Variants in ZNF26 observed in about 807,000 individuals in gnomAD.
ZNF26 encodes epididymis luminal protein 179.
In ZNF26, 32 loss-of-function variants were observed where a neutral mutation model predicts 54.9. The observed-to-expected ratio is 0.58, with a 90% CI of 0.44 to 0.78. The LOEUF (loss-of-function observed/expected upper bound fraction) is 0.78. Among genes scored for constraint, ZNF26 ranks in the 30% least tolerant of loss-of-function variants. The pLI is 0.00. For synonymous variants in ZNF26, 221 were observed against 209.2 expected (o/e 1.06, Z -0.49); for missense variants, 524 against 634.0 (o/e 0.83, Z 1.86).
At position 133,019,101 on chromosome 12, in the gene ZNF26, G is replaced by C. The variant is rs1953605307; in HGVS notation, c.*7620G>C. ...GCTTTCTAATATCAGACACAATAGA[G>C]TTTAAAACAAAAGTTTTACTAGAGA... is the stretch of plus-strand genomic sequence containing the variant. On this transcript the variant is annotated 3_prime_UTR_variant, in exon 4 of 4. Coordinates refer to ENST00000328654, the MANE Select transcript of ZNF26 (RefSeq NM_019591.4). The C allele has an allele frequency of 6.6e-6, 1 of 152,110 alleles. No homozygotes were observed. The highest frequency in any genetic ancestry group is 2.4e-5 in the African/African-American group (1 of 41,418). The allele number at this position is 152,110 out of a possible 1,614,324, so 9.4% of individuals were successfully genotyped here. A position where few individuals can be genotyped will look rare whatever the true frequency, so the allele number is the denominator to read the frequency against.
intron 1 of ZNF26, among the ~76,000 whole-genome samples, chr12:132,989,333 G>C (rs1952897523): frequency 6.6e-6 from 1 of 152,132 alleles, no homozygotes; most frequent in Admixed American, 6.6e-5. Flanking sequence ...ACCGTGCCGG[G>C]TCTGGTGAAT....
intron 1 of ZNF26, chr12:133,004,884 A>G (rs1953291144): frequency 6.6e-6 from 1 of 152,202 alleles, no homozygotes; most frequent in Non-Finnish European, 1.5e-5. Flanking sequence ...AATCAGCATT[A>G]TTTTTTCTCA....
rs1203448365 is a variant in ZNF26 at position 133,010,992 on chromosome 12, A to G, written c.1113A>G (p.Gln371=). 1.6e-5 allele frequency: 26 copies of G among 1,613,988 alleles called. No individual in the cohort carries two copies. Among genetic ancestry groups the G allele is most frequent in the East Asian group, 4.5e-5 (2 of 44,846 alleles). The change falls in exon 4 of 4, where the codon CAA becomes CAG. Residue 371 remains glutamine (Q), a synonymous_variant. Coordinates refer to ENST00000328654, the MANE Select transcript of ZNF26 (RefSeq NM_019591.4). ...TTCACACAGGAAATAATCCTTATCA[A>G]TGCGGTGAATGTGGGAAAGCCTTTG... ...QGVHTGNNPY[Q]CGECGKAFGR...
Position 133,010,363 on chromosome 12 carries a change from C to T in ZNF26, c.484C>T (p.Leu162Phe). The T allele has an allele frequency of 1.9e-6, 3 of 1,613,814 alleles. No homozygotes were observed. Among genetic ancestry groups the T allele is most frequent in the Non-Finnish European group, 2.5e-6 (3 of 1,179,944 alleles). ...KFHGYEEPYF[L>F]KHQRAHSIEK... ...TCATGGTTATGAAGAACCATATTTT[C>T]TTAAGCATCAAAGAGCTCATAGCAT... The change falls in exon 4 of 4, where the codon CTT becomes TTT. Residue 162 changes from leucine to phenylalanine, a missense_variant. Transcript: ENST00000328654.
chr12:133,007,373 T>A (rs1953353876), intron 2 of ZNF26, 64 bp from the exon 3 acceptor site: 1 of 1,436,748 alleles, frequency 7.0e-7, no homozygotes, highest in African/African-American at 1.4e-5. Context: ...GCTCTGTAGC[T>A]CTTGATTCCT....
chr12:133,000,395 G>A (rs943133950), intron 1 of ZNF26, among the ~76,000 whole-genome samples: 3 of 150,248 alleles, frequency 2.0e-5, no homozygotes, highest in African/African-American at 7.3e-5. Flanking sequence ...GGGACTACAG[G>A]CATGCGCCGC....
At chr12:132,996,093 A>G (rs1953075365) in intron 1 of ZNF26, among the ~76,000 whole-genome samples, 2 of 152,128 alleles carry the variant, frequency 1.3e-5, no homozygotes, top group South Asian at 2.1e-4. Flanking sequence ...TCTGGATGGT[A>G]TATTTATTGC....
intron 1 of ZNF26, 143 bp downstream of exon 1, chr12:132,987,016 C>A: frequency 1.1e-5 from 10 of 910,846 alleles, no homozygotes; most frequent in Non-Finnish European, 1.5e-5. Flanking sequence ...CCCACCAAAC[C>A]AAAGCGCCTC....
chr12:132,995,841 G>A (rs1005101353), intron 1 of ZNF26, among the ~76,000 whole-genome samples: 3 of 152,174 alleles, frequency 2.0e-5, no homozygotes, highest in East Asian at 1.9e-4. Flanking sequence ...TAGTAGAGAC[G>A]GGATTTCACC....
In ZNF26 at chr12:133,010,256, G is replaced by C; in HGVS notation, c.377G>C (p.Arg126Thr). 6.2e-7 allele frequency: 1 copy of C among 1,614,022 alleles called. No individual in the cohort carries two copies. Among genetic ancestry groups the C allele is most frequent in the Non-Finnish European group, 8.5e-7 (1 of 1,179,994 alleles). Residue 126 changes from arginine (R) to threonine (T), a missense_variant, in exon 4 of 4, where the codon AGA (arginine) becomes ACA (threonine). Arg to Thr is a moderately conservative substitution (Grantham distance 71, BLOSUM62 -1). Coordinates refer to ENST00000328654, the MANE Select transcript of ZNF26 (RefSeq NM_019591.4). Reference sequence around the variant, plus strand: ...AAAACCCATGATTCTTCAAGACAGAGACTCTATAACACACGTGGAAAAAGT... The same window carrying C: ...AAAACCCATGATTCTTCAAGACAGACACTCTATAACACACGTGGAAAAAGT... ...LSKTHDSSRQ[R>T]LYNTRGKSLT... is the part of the protein sequence containing the mutation.
At position 133,001,780 on chromosome 12, in the gene ZNF26, T is replaced by G. The variant is rs1036211017; in HGVS notation, c.34-5262T>G. ...CTGTTTGAGGTGAGCTGCTGAACCC[T>G]CACTCCCCAGCTGCCTTTTGAGAGT... On this transcript the variant is annotated intron_variant, in intron 1 of 3. Transcript: ENST00000328654. This position sits in a 1 kb window ranked among gnomAD's most constrained non-coding sequence, Gnocchi z 4.7. The G allele has an allele frequency of 7.1e-6, 8 of 1,126,478 alleles. No homozygotes were observed. Among genetic ancestry groups the G allele is most frequent in the Non-Finnish European group, 9.5e-6 (8 of 841,380 alleles). The allele number at this position is 1,126,478 out of a possible 1,614,324, so 69.8% of individuals were successfully genotyped here. A position where few individuals can be genotyped will look rare whatever the true frequency, so the allele number is the denominator to read the frequency against.
chr12:132,988,354 G>A (rs1952872969), intron 1 of ZNF26, among the ~76,000 whole-genome samples: 1 of 152,008 alleles, frequency 6.6e-6, no homozygotes, highest in Non-Finnish European at 1.5e-5. Context: ...CTCCACCTCA[G>A]CCTCCTGAGT....
At chr12:133,009,519 G>A (rs1953421906) in intron 3 of ZNF26, among the ~76,000 whole-genome samples, 1 of 151,986 alleles carries the variant, frequency 6.6e-6, no homozygotes, top group Non-Finnish European at 1.5e-5. Context: ...TTGAACCCAG[G>A]AGGTCGAGGC....
At position 132,988,741 on chromosome 12, in the gene ZNF26, T is replaced by C. The variant is rs1952882035; in HGVS notation, c.33+1868T>C. Among the ~76,000 whole-genome samples the C allele has an allele frequency of 2.0e-5, 3 of 152,368 alleles. No individual in the cohort carries two copies. In the South Asian group the frequency reaches 6.2e-4, roughly 32 times the overall value. ...TGGGAAGAGCTGAAGTCTTGAATAT[T>C]GAGTCTTCCTATCCATGAACATGTT... On this transcript the variant is annotated intron_variant, in intron 1 of 3. Coordinates refer to ENST00000328654, the MANE Select transcript of ZNF26 (RefSeq NM_019591.4).
chr12:132,997,715 C>G (rs960144711), intron 1 of ZNF26, among the ~76,000 whole-genome samples: 64 of 152,274 alleles, frequency 4.2e-4, no homozygotes, highest in Non-Finnish European at 7.5e-4. Context: ...TATGACTTTG[C>G]TTGTCTCAGA....
rs1011978148 is a variant in ZNF26 at position 133,022,955 on chromosome 12, T to A, written c.*11474T>A. On this transcript the variant is annotated 3_prime_UTR_variant, in exon 4 of 4. Transcript: ENST00000328654. ...GCTAGAAAATGATAATCAAAATCTT[T>A]AGGATAGTGTCTACACCCTGTGGAA... 37 of 152,170 alleles carry A rather than the reference T, an allele frequency of 2.4e-4. No homozygotes were observed. Among genetic ancestry groups the A allele is most frequent in the Non-Finnish European group, 4.4e-4 (30 of 68,020 alleles). The allele number at this position is 152,170 out of a possible 1,614,324, so 9.4% of individuals were successfully genotyped here.
At position 132,986,393 on chromosome 12, in the gene ZNF26, G is replaced by C. The variant is rs1952817565; in HGVS notation, c.-448G>C. The stretch of plus-strand genomic sequence containing the variant: ...CTCCCGGCCTTAGTCGGGTGCGCGC[G>C]TGCAGGGCTGTTTCCGGCTTAGACT... On this transcript the variant is annotated 5_prime_UTR_variant, in exon 1 of 4. Transcript: ENST00000328654. The C allele has an allele frequency of 6.0e-6, 1 of 165,396 alleles. No homozygotes were observed. Among genetic ancestry groups the C allele is most frequent in the Middle Eastern group, 2.7e-3 (1 of 370 alleles). The allele number at this position is 165,396 out of a possible 1,614,324, so 10.2% of individuals were successfully genotyped here.
rs1358736047 is a variant in ZNF26, at chr12:133,010,518, C to T, written c.639C>T (p.Ala213=). ...ECSKCERAFS[A]KSNLNAHQRV... ...GTAAATGTGAAAGAGCCTTCAGTGCCAAGTCAAACCTTAATGCTCATCAGA... is the reference window on the plus strand; with the variant it reads ...GTAAATGTGAAAGAGCCTTCAGTGCTAAGTCAAACCTTAATGCTCATCAGA... Residue 213 remains alanine, a synonymous_variant, in exon 4 of 4, where the codon GCC becomes GCT. Transcript: ENST00000328654. 5 of 1,613,814 alleles carry T rather than the reference C, an allele frequency of 3.1e-6. No individual in the cohort carries two copies. In the African/African-American group the frequency reaches 5.3e-5, roughly 17 times the overall value.
chr12:133,006,114 G>A, intron 1 of ZNF26: 1 of 985,134 alleles, frequency 1.0e-6, no homozygotes, highest in Non-Finnish European at 1.2e-6. Flanking sequence ...TTTCCCTGCT[G>A]TTCCCTCCCA....
Sources: allele counts gnomAD v4.1 joint callset (sites outside exome capture counted in the v4.1 genomes callset), GRCh38; gene constraint gnomAD v4.1.1; non-coding constraint Gnocchi (gnomAD v3.1); transcripts MANE v1.5; gene names NCBI Gene and HGNC (gene_info 2026-07-23, HGNC 2026-07-21).